Variants in SGK3 observed in about 807,000 individuals in gnomAD.
SGK3 encodes serum/glucocorticoid regulated kinase family member 3.
Under a neutral mutation model 68.5 loss-of-function variants are expected in SGK3, and 47 were observed. The ratio of observed to expected loss-of-function variants is 0.69; its 90% CI spans 0.54 to 0.87. The LOEUF is 0.87. SGK3 is among the 40% of genes least tolerant of loss of function. SGK3 has a pLI of 0.00. For missense variants in SGK3, 479 were observed against 575.5 expected, an observed-to-expected ratio of 0.83 and a Z score of 1.72; for synonymous variants, 181 against 189.1, an observed-to-expected ratio of 0.96 and a Z score of 0.35.
At chr8:66,818,398 A>G (rs1247729677) in intron 5 of SGK3, among the ~76,000 whole-genome samples, 1 of 152,190 alleles carries the variant, frequency 6.6e-6, no homozygotes, top group Non-Finnish European at 1.5e-5. Context: ...TGGAAGCAGA[A>G]ATACCTTATT....
chr8:66,715,388 G>C (rs762520758), intron 1 of SGK3, among the ~76,000 whole-genome samples: 25 of 152,096 alleles, frequency 1.6e-4, no homozygotes, highest in Admixed American at 1.4e-3. Flanking sequence ...CTCCCGAGTA[G>C]CTGGGGCTAC....
At chr8:66,803,236 C>T (rs1186583090) in intron 3 of SGK3, among the ~76,000 whole-genome samples, 2 of 152,174 alleles carry the variant, frequency 1.3e-5, no homozygotes, top group East Asian at 1.9e-4. Context: ...ATTTTACTGA[C>T]AGCGTGCCCC....
At chr8:66,810,369 C>T (rs1005133109) in intron 4 of SGK3, among the ~76,000 whole-genome samples, 1 of 151,922 alleles carries the variant, frequency 6.6e-6, no homozygotes, top group African/African-American at 2.4e-5. Flanking sequence ...AGGTTCTCAC[C>T]TTTTGTGTAC....
chr8:66,810,887 C>T (rs1280607235), intron 4 of SGK3, among the ~76,000 whole-genome samples: 4 of 152,088 alleles, frequency 2.6e-5, no homozygotes, highest in Non-Finnish European at 5.9e-5. Flanking sequence ...TTGCCAATCT[C>T]TATAAGATAC....
intron 1 of SGK3, among the ~76,000 whole-genome samples, chr8:66,787,200 C>T (rs1195392711): frequency 6.6e-6 from 1 of 152,030 alleles, no homozygotes; most frequent in Admixed American, 6.6e-5. Context: ...CCTCAGCCTC[C>T]GAAAGTGCTG....
At chr8:66,844,931 T>C (rs1809946792) in intron 14 of SGK3, among the ~76,000 whole-genome samples, 1 of 152,226 alleles carries the variant, frequency 6.6e-6, no homozygotes, top group Non-Finnish European at 1.5e-5. Context: ...GGAAAACCAC[T>C]TTATACCTGA....
chr8:66,839,642 T>C lies in SGK3; in HGVS notation c.742-361T>C, dbSNP rs536584909. Reference sequence around the variant, plus strand: ...TGTTTTTTTCAAATGGAAAACATAGTCCAGAAAGGCCCTGTAAGATAATTA... The same window carrying C: ...TGTTTTTTTCAAATGGAAAACATAGCCCAGAAAGGCCCTGTAAGATAATTA... On this transcript the variant is annotated intron_variant, in intron 10 of 16. Coordinates refer to ENST00000521198, the MANE Select transcript of SGK3 (RefSeq NM_001033578.3). Among the ~76,000 whole-genome samples, 36 of 148,432 alleles carry C rather than the reference T, an allele frequency of 2.4e-4. 1 individual carries two copies. In the South Asian group the frequency reaches 7.1e-3, roughly 29 times the overall value.
At chr8:66,717,505 G>A (rs1804671728) in intron 1 of SGK3, among the ~76,000 whole-genome samples, 1 of 152,046 alleles carries the variant, frequency 6.6e-6, no homozygotes, top group African/African-American at 2.4e-5. Flanking sequence ...TCCAGACTGG[G>A]CAACAGAGTG....
chr8:66,729,394 T>C (rs1805076439), intron 1 of SGK3, among the ~76,000 whole-genome samples: 1 of 151,622 alleles, frequency 6.6e-6, no homozygotes, highest in Non-Finnish European at 1.5e-5. Flanking sequence ...AGGTGGAGCT[T>C]GCAGTGAGCC....
chr8:66,823,425 G>A (rs1808927544), intron 6 of SGK3, among the ~76,000 whole-genome samples: 1 of 148,914 alleles, frequency 6.7e-6, no homozygotes. Context: ...TTGAGATGGA[G>A]TCTCGCACTG....
chr8:66,839,728 A>G (rs1585796901), intron 10 of SGK3: 2 of 300,728 alleles, frequency 6.7e-6, no homozygotes, highest in East Asian at 1.3e-4. Flanking sequence ...GTTGCCTGGA[A>G]GGGTGAGGAC....
At chr8:66,820,429 C>T (rs562103521) in intron 5 of SGK3, among the ~76,000 whole-genome samples, 1 of 152,164 alleles carries the variant, frequency 6.6e-6, no homozygotes, top group African/African-American at 2.4e-5. Flanking sequence ...TGGATAACAC[C>T]ACATTTTGTT....
At chr8:66,854,532 G>A (rs1374345511) in intron 16 of SGK3, among the ~76,000 whole-genome samples, 1 of 152,042 alleles carries the variant, frequency 6.6e-6, no homozygotes, top group African/African-American at 2.4e-5. Flanking sequence ...GGGGGAGGCT[G>A]GCATCATTCT....
intron 8 of SGK3, 101 bp from the exon 9 acceptor site, chr8:66,835,662 C>T: frequency 2.3e-6 from 3 of 1,313,466 alleles, no homozygotes; most frequent in Non-Finnish European, 3.1e-6. Context: ...TATGGACTTT[C>T]TTTTTACAGA....
intron 1 of SGK3, among the ~76,000 whole-genome samples, chr8:66,734,490 G>A (rs1199215732): frequency 6.6e-6 from 1 of 151,936 alleles, no homozygotes; most frequent in African/African-American, 2.4e-5. Flanking sequence ...GAGGTTTCCT[G>A]GGAAAAGTAG....
At chr8:66,723,127 A>AT (rs1563595366) in intron 1 of SGK3, among the ~76,000 whole-genome samples, 99 of 49,374 alleles carry the variant, frequency 2.0e-3, no homozygotes, top group Non-Finnish European at 2.8e-3. Context: ...ATATATATAT[A>AT]TATATTTTTT....
chr8:66,787,620 T>C (rs2130550905), intron 1 of SGK3, among the ~76,000 whole-genome samples: 1 of 152,280 alleles, frequency 6.6e-6, no homozygotes, highest in South Asian at 2.1e-4. Flanking sequence ...TTGGCCACTT[T>C]GTCATCGGTC....
At chr8:66,805,998 C>G (rs1808144296) in intron 4 of SGK3, among the ~76,000 whole-genome samples, 1 of 152,204 alleles carries the variant, frequency 6.6e-6, no homozygotes, top group African/African-American at 2.4e-5. Flanking sequence ...CATTAACGGA[C>G]TGCTCTTTAT....
In SGK3 at chr8:66,751,026, G is replaced by A. The variant is rs552039786; in HGVS notation, c.-122+38193G>A. Among the ~76,000 whole-genome samples, 11 of 151,700 alleles carry A rather than the reference G, an allele frequency of 7.3e-5. No individual in the cohort carries two copies. In the South Asian group the frequency reaches 2.1e-3, roughly 29 times the overall value. Reference sequence around the variant, plus strand: ...TGTCTCAAAAAAAAAAAGGCCAGGCGCGGTGGCTTACGCCTGTAATCCCAG... The same window carrying A: ...TGTCTCAAAAAAAAAAAGGCCAGGCACGGTGGCTTACGCCTGTAATCCCAG... On this transcript the variant is annotated intron_variant, in intron 1 of 16. Transcript: ENST00000521198.
Sources: allele counts gnomAD v4.1 joint callset (sites outside exome capture counted in the v4.1 genomes callset), GRCh38; gene constraint gnomAD v4.1.1; transcripts MANE v1.5; gene names NCBI Gene and HGNC (gene_info 2026-07-23, HGNC 2026-07-21).